SLTM: variants seen among roughly 807,000 people sequenced by gnomAD.
SLTM encodes the protein SAFB-like transcription modulator.
A neutral mutation model predicts 134.6 loss-of-function variants in SLTM; 43 were observed. The ratio of observed to expected loss-of-function variants is 0.32; its 90% CI spans 0.25 to 0.41. SLTM has a LOEUF of 0.41. SLTM is among the 10% of genes least tolerant of loss of function. The pLI is 1.00. For missense variants in SLTM, 1,055 were observed against 1,288.8 expected (o/e 0.82, Z 2.78); for synonymous variants, 424 against 432.3 (o/e 0.98, Z 0.24).
chr15:58,913,489 G>T lies in SLTM; in HGVS notation c.513+10C>A. The T allele has an allele frequency of 1.3e-6, 2 of 1,589,936 alleles. No homozygotes were observed. Among genetic ancestry groups the T allele is most frequent in the Non-Finnish European group, 8.5e-7 (1 of 1,170,076 alleles). On this transcript the variant is annotated intron_variant, in intron 4 of 20. Coordinates refer to ENST00000380516, the MANE Select transcript of SLTM (RefSeq NM_024755.4). ...TCTGTGTCATGTTTTAAAAAAAACT[G>T]GCTAAAGACCTGACTTTCGATGTCC...
chr15:58,933,020 C>T (rs1208828435), intron 1 of SLTM, among the ~76,000 whole-genome samples: 1 of 152,198 alleles, frequency 6.6e-6, no homozygotes, highest in Non-Finnish European at 1.5e-5. Context: ...GTAACCATTC[C>T]CTCTGAGGCC....
chr15:58,898,320 T>TCA (rs2035239704), intron 8 of SLTM: 1 of 152,274 alleles, frequency 6.6e-6, no homozygotes, highest in African/African-American at 2.4e-5. Flanking sequence ...CAGAGATTTC[T>TCA]CAGTATCAGA....
intron 2 of SLTM, among the ~76,000 whole-genome samples, chr15:58,926,680 T>C (rs2037493083): frequency 6.6e-6 from 1 of 151,534 alleles, no homozygotes; most frequent in African/African-American, 2.4e-5. Flanking sequence ...AGCAGCACCA[T>C]TTCGGCTCAC....
At chr15:58,891,834 T>C (rs2034665162) in intron 14 of SLTM, among the ~76,000 whole-genome samples, 1 of 152,178 alleles carries the variant, frequency 6.6e-6, no homozygotes, top group Non-Finnish European at 1.5e-5. Flanking sequence ...ATCAATTTCA[T>C]TTCAGGAGAG....
At position 58,894,158 on chromosome 15, in the gene SLTM, TTTC is replaced by T; in HGVS notation, c.1410_1412del (p.Lys471del). The T allele has an allele frequency of 6.2e-7, 1 of 1,611,912 alleles. No homozygotes were observed. Among genetic ancestry groups the T allele is most frequent in the East Asian group, 2.2e-5 (1 of 44,818 alleles). On this transcript the variant is annotated inframe_deletion, in exon 11 of 21. Coordinates refer to ENST00000380516, the MANE Select transcript of SLTM (RefSeq NM_024755.4). Reference sequence around the variant, plus strand: ...TTGAACTACTCTTTTCATCATTTTCTTTCTTCATTTCTTTCTTAGAGGGATCAC... The same window carrying T: ...TTGAACTACTCTTTTCATCATTTTCTTTCATTTCTTTCTTAGAGGGATCAC...
At chr15:58,892,552 T>C (rs564363217) in intron 14 of SLTM, among the ~76,000 whole-genome samples, 1 of 152,300 alleles carries the variant, frequency 6.6e-6, no homozygotes, top group Admixed American at 6.5e-5. Context: ...GAAAGAGCAT[T>C]GGACTTGGAG....
intron 9 of SLTM, among the ~76,000 whole-genome samples, chr15:58,895,893 A>G (rs1408126168): frequency 6.6e-6 from 1 of 152,196 alleles, no homozygotes; most frequent in Non-Finnish European, 1.5e-5. Flanking sequence ...AGGTTTTGGT[A>G]ATATTAATGG....
intron 2 of SLTM, among the ~76,000 whole-genome samples, chr15:58,920,295 T>C (rs576983802): frequency 1.3e-5 from 2 of 151,946 alleles, no homozygotes; most frequent in Admixed American, 6.6e-5. Flanking sequence ...CACTCATGCC[T>C]GAGAGACAGA....
chr15:58,896,122 T>C (rs1416693263), intron 9 of SLTM, among the ~76,000 whole-genome samples: 12 of 152,190 alleles, frequency 7.9e-5, no homozygotes, highest in African/African-American at 2.9e-4. Flanking sequence ...AATTGAGTAT[T>C]CTTTGACTAC....
In SLTM at chr15:58,879,172, T is replaced by C. The variant is rs1314891019; in HGVS notation, c.*827A>G. 6.6e-6 allele frequency: 1 copy of C among 152,194 alleles called. No homozygotes were observed. The highest frequency in any genetic ancestry group is 1.5e-5 in the Non-Finnish European group (1 of 68,034). The allele number at this position is 152,194 out of a possible 1,614,324, so 9.4% of individuals were successfully genotyped here. ...GGTTTTTTTCCACTTCTCAACATAG[T>C]TGGGAACATGGAAACATTAATACCC... On this transcript the variant is annotated 3_prime_UTR_variant, in exon 21 of 21. Coordinates refer to ENST00000380516, the MANE Select transcript of SLTM (RefSeq NM_024755.4).
intron 2 of SLTM, among the ~76,000 whole-genome samples, chr15:58,925,203 A>T (rs1482885451): frequency 2.0e-5 from 3 of 152,202 alleles, no homozygotes; most frequent in Non-Finnish European, 4.4e-5. Flanking sequence ...TCTTAATCAC[A>T]GGCCATGCCT....
At chr15:58,892,154 C>T (rs552934988) in intron 14 of SLTM, among the ~76,000 whole-genome samples, 3 of 152,182 alleles carry the variant, frequency 2.0e-5, no homozygotes, top group Non-Finnish European at 4.4e-5. Context: ...TAAGTAACCC[C>T]TGGACAAGAC....
intron 2 of SLTM, among the ~76,000 whole-genome samples, chr15:58,926,110 A>G (rs1329487925): frequency 6.6e-6 from 1 of 152,114 alleles, no homozygotes; most frequent in Non-Finnish European, 1.5e-5. Flanking sequence ...CAACATAACA[A>G]CCCAAACCAA....
chr15:58,900,072 A>C (rs1307358074), intron 6 of SLTM, 135 bp from the exon 7 acceptor site: 55 of 657,380 alleles, frequency 8.4e-5, no homozygotes, highest in Non-Finnish European at 1.2e-4. Context: ...AAAAAAAAAA[A>C]CACAAGGGTA....
intron 5 of SLTM, among the ~76,000 whole-genome samples, chr15:58,912,097 A>G (rs1595900844): frequency 6.6e-6 from 1 of 151,024 alleles, no homozygotes; most frequent in Non-Finnish European, 1.5e-5. Context: ...TCAGCTGCCA[A>G]TAGTTTTTTT....
chr15:58,893,814 A>C lies in SLTM; in HGVS notation c.1648+7T>G. The C allele has an allele frequency of 6.2e-7, 1 of 1,604,304 alleles. No homozygotes were observed. Among genetic ancestry groups the C allele is most frequent in the Non-Finnish European group, 8.5e-7 (1 of 1,177,516 alleles). On this transcript the variant is annotated splice_region_variant and intron_variant, in intron 12 of 20. Coordinates refer to ENST00000380516, the MANE Select transcript of SLTM (RefSeq NM_024755.4). ...TTAGAAAGGGATTGAAAAGATGTAT[A>C]GCATACTTATTCGCTTCTTTTCTTC...
At chr15:58,898,606 A>AAAAT (rs1555448517) in intron 8 of SLTM, 197 bp downstream of exon 8, 30,402 of 482,152 alleles carry the variant, frequency 0.063, 1,718 homozygotes, top group East Asian at 0.27. Context: ...ACCAGTTTAC[A>AAAAT]AAGTAAACAG....
intron 2 of SLTM, among the ~76,000 whole-genome samples, chr15:58,929,474 G>A (rs923295916): frequency 2.6e-5 from 4 of 151,910 alleles, no homozygotes; most frequent in Admixed American, 6.6e-5. Context: ...AAAGAAAAAC[G>A]GACATCACAT....
At chr15:58,901,981 G>A (rs2035517073) in intron 5 of SLTM, among the ~76,000 whole-genome samples, 1 of 151,850 alleles carries the variant, frequency 6.6e-6, no homozygotes, top group African/African-American at 2.4e-5. Context: ...ATTAAAACAA[G>A]TTAACCCTCA....
Sources: allele counts gnomAD v4.1 joint callset (sites outside exome capture counted in the v4.1 genomes callset), GRCh38; gene constraint gnomAD v4.1.1; transcripts MANE v1.5; gene names NCBI Gene and HGNC (gene_info 2026-07-23, HGNC 2026-07-21).